The following NETO1 variants were observed in gnomAD, a reference collection of about 807,000 sequenced individuals.
NETO1 encodes the protein neuropilin and tolloid-like protein 1.
A neutral mutation model predicts 61.3 loss-of-function variants in NETO1; 26 were observed. The observed-to-expected ratio is 0.42, with a 90% CI of 0.31 to 0.59. The LOEUF is 0.59. Among genes scored for constraint, NETO1 ranks in the 20% least tolerant of loss-of-function variants. The pLI is 0.12. For missense variants in NETO1, 531 were observed against 662.8 expected (o/e 0.80, Z 2.18); for synonymous variants, 225 against 225.8 (o/e 1.00, Z 0.03).
chr18:72,785,940 C>A (rs1375624054), intron 6 of NETO1, among the ~76,000 whole-genome samples: 1 of 152,132 alleles, frequency 6.6e-6, no homozygotes, highest in Non-Finnish European at 1.5e-5. Context: ...TGATTTTGAA[C>A]ATATTTAAAG....
At chr18:72,761,394 A>G (rs887152726) in intron 7 of NETO1, among the ~76,000 whole-genome samples, 4 of 152,222 alleles carry the variant, frequency 2.6e-5, no homozygotes, top group African/African-American at 7.2e-5. Context: ...AATAAAATAC[A>G]AATACGTATT....
intron 4 of NETO1, among the ~76,000 whole-genome samples, chr18:72,845,532 C>T (rs1466749615): frequency 6.6e-6 from 1 of 152,086 alleles, no homozygotes; most frequent in African/African-American, 2.4e-5. Flanking sequence ...CACAAATAGA[C>T]CACAACAATG....
At chr18:72,771,981 G>A (rs987362957) in intron 7 of NETO1, among the ~76,000 whole-genome samples, 2 of 152,116 alleles carry the variant, frequency 1.3e-5, no homozygotes, top group African/African-American at 4.8e-5. Context: ...AAAATCAAGA[G>A]TCTGTCTGGA....
chr18:72,859,853 A>G (rs1477619958), intron 3 of NETO1, among the ~76,000 whole-genome samples: 1 of 151,998 alleles, frequency 6.6e-6, no homozygotes, highest in Non-Finnish European at 1.5e-5. Flanking sequence ...TCTAAATCTG[A>G]TCTTGAAAGA....
intron 9 of NETO1, among the ~76,000 whole-genome samples, 156 bp downstream of exon 9, chr18:72,749,906 T>C (rs914016388): frequency 6.6e-6 from 1 of 151,868 alleles, no homozygotes; most frequent in East Asian, 1.9e-4. Context: ...TGGATAGCAG[T>C]GAAAAGGAAA....
chr18:72,848,471 A>C (rs1006845728), intron 4 of NETO1, among the ~76,000 whole-genome samples: 4 of 152,192 alleles, frequency 2.6e-5, no homozygotes, highest in African/African-American at 9.7e-5. Context: ...TTGAGCCATA[A>C]AATTCAAGAA....
chr18:72,772,234 T>C (rs950233570), intron 7 of NETO1, among the ~76,000 whole-genome samples: 3 of 152,206 alleles, frequency 2.0e-5, no homozygotes, highest in Admixed American at 6.5e-5. Context: ...CTGATTTCTT[T>C]CATCTCTAAC....
chr18:72,778,020 G>GC (rs1485211358), intron 7 of NETO1, among the ~76,000 whole-genome samples: 1 of 152,280 alleles, frequency 6.6e-6, no homozygotes, highest in South Asian at 2.1e-4. Context: ...AGGCAGCCAT[G>GC]CCCCCACAGC....
intron 4 of NETO1, among the ~76,000 whole-genome samples, chr18:72,802,714 G>A (rs1390496109): frequency 6.6e-6 from 1 of 152,174 alleles, no homozygotes; most frequent in Non-Finnish European, 1.5e-5. Context: ...AATTGCTGGT[G>A]TCTTAGCAAT....
At chr18:72,858,019 C>G (rs928229683) in intron 4 of NETO1, among the ~76,000 whole-genome samples, 1 of 152,024 alleles carries the variant, frequency 6.6e-6, no homozygotes, top group African/African-American at 2.4e-5. Context: ...TATTGCCTAA[C>G]TTAAATAAAA....
chr18:72,822,844 A>G (rs775080788), intron 4 of NETO1, among the ~76,000 whole-genome samples: 1 of 152,186 alleles, frequency 6.6e-6, no homozygotes, highest in Admixed American at 6.5e-5. Flanking sequence ...TCTCTAAAAT[A>G]ATAAAAGAGA....
chr18:72,834,833 G>A (rs1599111913), intron 4 of NETO1: 1 of 983,032 alleles, frequency 1.0e-6, no homozygotes, highest in Non-Finnish European at 1.2e-6. Context: ...ATATTTTGGG[G>A]AGAGTGGAGA....
chr18:72,867,013 C>T (rs900544783), intron 1 of NETO1: 173 of 457,694 alleles, frequency 3.8e-4, no homozygotes, highest in African/African-American at 3.3e-3. Flanking sequence ...CCTCCACCCC[C>T]GGGGGGTTCC....
rs1046160283 is a variant in NETO1 at position 72,750,321 on chromosome 18, T to G, written c.1282A>C (p.Ile428Leu). 5 of 1,614,072 alleles carry G rather than the reference T, an allele frequency of 3.1e-6. No homozygotes were observed. Among genetic ancestry groups the G allele is most frequent in the Non-Finnish European group, 4.2e-6 (5 of 1,179,990 alleles). The change falls in exon 9 of 11, where the codon ATT becomes CTT. Residue 428 changes from isoleucine (I) to leucine (L), a missense_variant. Coordinates refer to ENST00000327305, the MANE Select transcript of NETO1 (RefSeq NM_138966.5). ...HKLRRSSSKC[I>L]HDHHCGSQLS... ...TGTGATCCACAGTGATGGTCATGAA[T>G]GCATTTGGAAGATGACCTCCGCAGT...
intron 6 of NETO1, among the ~76,000 whole-genome samples, chr18:72,787,916 T>G (rs1197671471): frequency 6.6e-6 from 1 of 152,092 alleles, no homozygotes; most frequent in Non-Finnish European, 1.5e-5. Context: ...AGCAAAACTA[T>G]CCACTTCTTC....
At chr18:72,794,535 T>A in intron 4 of NETO1, 131 bp from the exon 5 acceptor site, 2 of 770,274 alleles carry the variant, frequency 2.6e-6, no homozygotes, top group African/African-American at 1.8e-5. Context: ...AAAAACACAT[T>A]AGGGAAAAGT....
At chr18:72,843,003 G>T (rs1167763086) in intron 4 of NETO1, among the ~76,000 whole-genome samples, 3 of 152,152 alleles carry the variant, frequency 2.0e-5, no homozygotes, top group Admixed American at 6.5e-5. Flanking sequence ...TATTTCACTT[G>T]AATTAATTTT....
At chr18:72,867,050 A>G (rs2074759553) in intron 1 of NETO1, 2 of 463,656 alleles carry the variant, frequency 4.3e-6, no homozygotes, top group African/African-American at 2.0e-5. Context: ...GTTCTCCGGC[A>G]GGTTTTGGGA....
intron 3 of NETO1, among the ~76,000 whole-genome samples, chr18:72,859,400 TTC>T (rs1167934428): frequency 1.3e-5 from 2 of 152,200 alleles, no homozygotes; most frequent in Non-Finnish European, 2.9e-5. Flanking sequence ...AGGAATATTT[TTC>T]TGTCTCTTTT....
Sources: allele counts gnomAD v4.1 joint callset (sites outside exome capture counted in the v4.1 genomes callset), GRCh38; gene constraint gnomAD v4.1.1; transcripts MANE v1.5; gene names NCBI Gene and HGNC (gene_info 2026-07-23, HGNC 2026-07-21).